SVIL: variants seen among roughly 807,000 people sequenced by gnomAD.
The protein encoded by SVIL is supervillin, also known as archvillin.
A neutral mutation model predicts 240.4 loss-of-function variants in SVIL; 101 were observed. That is an observed-to-expected ratio of 0.42 (90% CI 0.36 to 0.50). The LOEUF (loss-of-function observed/expected upper bound fraction) is 0.50. SVIL is among the 20% of genes least tolerant of loss of function. SVIL has a pLI of 0.01. For synonymous variants in SVIL, 999 were observed against 1,100.0 expected (o/e 0.91, Z 1.82); for missense variants, 2,512 against 2,818.7 (o/e 0.89, Z 2.46).
At chr10:29,549,774 A>T (rs1229152645) in intron 6 of SVIL, among the ~76,000 whole-genome samples, 1 of 143,270 alleles carries the variant, frequency 7.0e-6, no homozygotes, top group Non-Finnish European at 1.5e-5. Context: ...TCGCAAAAAC[A>T]AAAAACCAAA....
At chr10:29,663,718 G>A (rs982733059) in intron 2 of SVIL, among the ~76,000 whole-genome samples, 19 of 152,246 alleles carry the variant, frequency 1.2e-4, no homozygotes, top group African/African-American at 4.3e-4. Context: ...TTTTATCAGC[G>A]GGACTCTTCT....
At chr10:29,596,505 C>T (rs1044311521) in intron 1 of SVIL, among the ~76,000 whole-genome samples, 3 of 152,020 alleles carry the variant, frequency 2.0e-5, no homozygotes, top group African/African-American at 7.2e-5. Context: ...CCTTTGCCCA[C>T]AGAGATCATG....
chr10:29,676,864 C>G (rs1430994278), intron 2 of SVIL, among the ~76,000 whole-genome samples: 1 of 152,088 alleles, frequency 6.6e-6, no homozygotes, highest in African/African-American at 2.4e-5. Flanking sequence ...ACAGCTGTGA[C>G]CCTTGGGTCT....
rs139901296 is a variant in SVIL at position 29,522,619 on chromosome 10, C to T, written c.3180G>A (p.Glu1060=). Residue 1060 remains glutamate (E), a synonymous_variant, in exon 16 of 38, where the codon GAG becomes GAA. Coordinates refer to ENST00000355867, the MANE Select transcript of SVIL (RefSeq NM_021738.3). The stretch of plus-strand genomic sequence containing the variant: ...CTGTCCCCGTCTGCTCGGAAGTGGG[C>T]TCCCCGAACTCTGCCGCTGGGAAGG... ...KFSLRAAEFG[E]PTSEQTGTAA... The T allele has an allele frequency of 5.7e-4, 922 of 1,614,066 alleles. 1 individual carries two copies. The highest frequency in any genetic ancestry group is 1.0e-3 in the Admixed American group (62 of 60,020).
intron 3 of SVIL, among the ~76,000 whole-genome samples, chr10:29,649,938 T>C (rs1958785947): frequency 6.6e-6 from 1 of 152,216 alleles, no homozygotes; most frequent in Non-Finnish European, 1.5e-5. Context: ...GTGGATTTGC[T>C]ATAAAAGTGC....
intron 17 of SVIL, among the ~76,000 whole-genome samples, chr10:29,503,205 C>A (rs1027346973): frequency 6.6e-6 from 1 of 152,182 alleles, no homozygotes; most frequent in South Asian, 2.1e-4. Flanking sequence ...TTGCCCCTTC[C>A]TTAAGAGAAA....
intron 1 of SVIL, chr10:29,575,258 T>G: frequency 5.9e-6 from 1 of 168,210 alleles, no homozygotes; most frequent in South Asian, 1.6e-4. Flanking sequence ...CCATCTCTCT[T>G]AAGCATATTT....
At chr10:29,734,459 GA>G (rs1964785140) in intron 1 of SVIL, among the ~76,000 whole-genome samples, 1 of 152,188 alleles carries the variant, frequency 6.6e-6, no homozygotes, top group African/African-American at 2.4e-5. Context: ...CAGACTCTTG[GA>G]TCTGTTAACC....
chr10:29,491,071 G>A (rs1419756271), intron 21 of SVIL, 52 bp from the exon 22 acceptor site: 4 of 1,566,254 alleles, frequency 2.6e-6, no homozygotes, highest in Non-Finnish European at 3.5e-6. Flanking sequence ...ACCACCCCTG[G>A]ATGACCTGGG....
chr10:29,638,228 G>A (rs913077248), upstream of SVIL, among the ~76,000 whole-genome samples: 4 of 152,150 alleles, frequency 2.6e-5, no homozygotes, highest in African/African-American at 9.7e-5. Flanking sequence ...TTGGGAGGCT[G>A]TGGCGGATGG....
chr10:29,696,632 G>C (rs1052833353), intron 1 of SVIL, among the ~76,000 whole-genome samples: 13 of 143,640 alleles, frequency 9.1e-5, no homozygotes, highest in African/African-American at 3.1e-4. Flanking sequence ...GGAGCGCCTC[G>C]GCCCGGCCGC....
At chr10:29,705,945 C>A (rs1166660291) in intron 1 of SVIL, among the ~76,000 whole-genome samples, 1 of 152,296 alleles carries the variant, frequency 6.6e-6, no homozygotes, top group South Asian at 2.1e-4. Flanking sequence ...CTGCAATGAA[C>A]ATATGTGTGC....
intron 5 of SVIL, 51 bp from the exon 6 acceptor site, chr10:29,551,314 T>A: frequency 6.7e-7 from 1 of 1,500,210 alleles, no homozygotes; most frequent in Non-Finnish European, 8.9e-7. Context: ...TAAAGACATG[T>A]ATTTACACAC....
At chr10:29,573,200 G>T (rs1955529102) in intron 1 of SVIL, among the ~76,000 whole-genome samples, 1 of 151,858 alleles carries the variant, frequency 6.6e-6, no homozygotes, top group Admixed American at 6.6e-5. Flanking sequence ...TTCAGCTCTT[G>T]TCCCCTTCCC....
In SVIL at chr10:29,524,667, A is replaced by G; in HGVS notation, c.2391T>C (p.Asn797=). The change falls in exon 14 of 38, where the codon AAT becomes AAC. Residue 797 remains asparagine (N), a synonymous_variant. Transcript: ENST00000355867. The part of the protein sequence containing the change: ...HQKALAKDQT[N]EGKELAEQGE... ...CTTGCTCAGCAAGCTCTTTGCCCTC[A>G]TTTGTCTGGTCCTTGGCTAAGGCCT... 1 of 1,614,086 alleles carries G rather than the reference A, an allele frequency of 6.2e-7. No homozygotes were observed. Among genetic ancestry groups the G allele is most frequent in the Non-Finnish European group, 8.5e-7 (1 of 1,180,010 alleles).
intron 6 of SVIL, among the ~76,000 whole-genome samples, chr10:29,542,500 G>A (rs1952250095): frequency 6.6e-6 from 1 of 152,064 alleles, no homozygotes; most frequent in Admixed American, 6.6e-5. Context: ...ATGATCTAGG[G>A]TGCTTGCCAT....
Position 29,516,839 on chromosome 10 carries a change from C to A in SVIL, c.3390-3978G>T, listed in dbSNP as rs1160055435. On this transcript the variant is annotated intron_variant, in intron 16 of 37. Coordinates refer to ENST00000355867, the MANE Select transcript of SVIL (RefSeq NM_021738.3). The stretch of plus-strand genomic sequence containing the variant: ...CCAGCAGGGAATGCTGGCCTGAGAA[C>A]CCTGCTTGTTGAGAACAAGGACATC... Among the ~76,000 whole-genome samples the A allele has an allele frequency of 4.6e-5, 7 of 152,270 alleles. No homozygotes were observed. The East Asian group carries it at 1.4e-3, about 30-fold the overall frequency.
intron 18 of SVIL, among the ~76,000 whole-genome samples, chr10:29,497,832 A>G (rs7067645): frequency 6.6e-6 from 1 of 152,152 alleles, no homozygotes; most frequent in South Asian, 2.1e-4. Flanking sequence ...CTGTAATCCC[A>G]GCACTTTGGG....
intron 17 of SVIL, among the ~76,000 whole-genome samples, 199 bp from the exon 18 acceptor site, chr10:29,499,462 T>C (rs1948710081): frequency 6.6e-6 from 1 of 152,210 alleles, no homozygotes; most frequent in East Asian, 1.9e-4. Flanking sequence ...CCATTGGCGA[T>C]GCTGTAACTT....
Sources: gnomAD v4.1 joint callset for allele counts (sites outside exome capture counted in the v4.1 genomes callset) on GRCh38, gnomAD v4.1.1 for gene constraint, MANE v1.5 for transcripts, NCBI Gene and HGNC (gene_info 2026-07-23, HGNC 2026-07-21) for gene names.